Variants in ROBO2 observed in about 807,000 individuals in gnomAD.
ROBO2 encodes the protein roundabout homolog 2.
A neutral mutation model predicts 160.8 loss-of-function variants in ROBO2; 53 were observed. The observed-to-expected ratio is 0.33, with a 90% confidence interval of 0.26 to 0.41. The LOEUF (loss-of-function observed/expected upper bound fraction) is 0.41, where lower values mean the gene tolerates loss of function less well. Among genes scored for constraint, ROBO2 ranks in the 10% least tolerant of loss-of-function variants. The pLI, the probability that ROBO2 is intolerant of heterozygous loss-of-function variation, is 1.00. For missense variants in ROBO2, 1,577 were observed against 1,722.4 expected (o/e 0.92, Z 1.49); for synonymous variants, 664 against 611.7 (o/e 1.09, Z -1.26).
intron 2 of ROBO2, among the ~76,000 whole-genome samples, chr3:76,023,025 C>T (rs900086514): frequency 1.3e-5 from 2 of 151,764 alleles, no homozygotes; most frequent in Non-Finnish European, 3.0e-5. Context: ...CACTAGTTCA[C>T]CTTGCACTTT....
At chr3:76,171,510 A>G (rs2073039357) in intron 2 of ROBO2, among the ~76,000 whole-genome samples, 1 of 152,178 alleles carries the variant, frequency 6.6e-6, no homozygotes, top group Admixed American at 6.5e-5. Context: ...CAGGAACTTT[A>G]TAATGATTAT....
chr3:77,252,001 C>T (rs1371263204), intron 2 of ROBO2, among the ~76,000 whole-genome samples: 1 of 152,124 alleles, frequency 6.6e-6, no homozygotes, highest in Non-Finnish European at 1.5e-5. Context: ...ATCCATTTTG[C>T]TTCCAATTAT....
At chr3:76,279,102 C>T (rs1708093247) in intron 2 of ROBO2, among the ~76,000 whole-genome samples, 1 of 151,156 alleles carries the variant, frequency 6.6e-6, no homozygotes, top group Non-Finnish European at 1.5e-5. Flanking sequence ...TATACACATA[C>T]ATCAGATAAA....
At chr3:77,400,060 C>CA (rs2075654298) in intron 2 of ROBO2, among the ~76,000 whole-genome samples, 1 of 152,078 alleles carries the variant, frequency 6.6e-6, no homozygotes, top group Admixed American at 6.6e-5. Flanking sequence ...GATGAGGAGG[C>CA]AGAGAAAATG....
intron 2 of ROBO2, among the ~76,000 whole-genome samples, chr3:76,952,966 C>A (rs572485391): frequency 6.6e-6 from 1 of 152,240 alleles, no homozygotes; most frequent in African/African-American, 2.4e-5. Flanking sequence ...TGACAGTGTT[C>A]ATGACAAAGC....
intron 2 of ROBO2, among the ~76,000 whole-genome samples, chr3:76,200,879 C>A (rs1308188264): frequency 6.6e-6 from 1 of 151,906 alleles, no homozygotes; most frequent in Admixed American, 6.6e-5. Context: ...AGATTTGGAC[C>A]CCTTACAAAA....
intron 2 of ROBO2, among the ~76,000 whole-genome samples, chr3:76,405,978 ATAT>A (rs762107968): frequency 2.0e-5 from 3 of 151,670 alleles, no homozygotes; most frequent in Non-Finnish European, 4.4e-5. Flanking sequence ...TGTTTTCCTA[ATAT>A]TATAAGCTTT....
intron 2 of ROBO2, among the ~76,000 whole-genome samples, chr3:77,300,715 T>C (rs1045811463): frequency 1.3e-5 from 2 of 152,002 alleles, no homozygotes; most frequent in Admixed American, 6.6e-5. Flanking sequence ...TCTGCATCAG[T>C]TTTCTTATTA....
intron 2 of ROBO2, among the ~76,000 whole-genome samples, chr3:75,994,999 G>C (rs2065684531): frequency 6.6e-6 from 1 of 152,214 alleles, no homozygotes; most frequent in South Asian, 2.1e-4. Flanking sequence ...AGAGAGAGAT[G>C]ATTTCAGATA....
chr3:77,068,381 G>T (rs1481967552), intron 1 of ROBO2, among the ~76,000 whole-genome samples: 1 of 152,112 alleles, frequency 6.6e-6, no homozygotes, highest in African/African-American at 2.4e-5. Flanking sequence ...GGAAGTGATA[G>T]AAGCCATTTT....
intron 2 of ROBO2, among the ~76,000 whole-genome samples, chr3:77,419,890 T>A (rs892555511): frequency 2.0e-5 from 3 of 152,138 alleles, no homozygotes; most frequent in Non-Finnish European, 4.4e-5. Flanking sequence ...CACCATAGTG[T>A]ATTCCTGAAA....
intron 2 of ROBO2, among the ~76,000 whole-genome samples, chr3:76,798,599 A>G (rs891621345): frequency 6.6e-6 from 1 of 152,102 alleles, no homozygotes; most frequent in African/African-American, 2.4e-5. Flanking sequence ...CCCTCAAAAA[A>G]CTGGATATAA....
At chr3:77,322,031 G>C (rs531883482) in intron 2 of ROBO2, among the ~76,000 whole-genome samples, 2 of 152,166 alleles carry the variant, frequency 1.3e-5, no homozygotes, top group Non-Finnish European at 2.9e-5. Flanking sequence ...TAAATGGAGA[G>C]AGCTGAGGGA....
chr3:77,587,487 G>C (rs2153682736), intron 16 of ROBO2, among the ~76,000 whole-genome samples: 1 of 152,166 alleles, frequency 6.6e-6, no homozygotes, highest in Non-Finnish European at 1.5e-5. Context: ...AGCCCTTAAA[G>C]CAGCCCTTAA....
chr3:76,127,601 T>A (rs62268909), intron 2 of ROBO2, among the ~76,000 whole-genome samples: 121,328 of 144,492 alleles, frequency 0.84, 50,712 homozygotes, highest in Non-Finnish European at 0.94. Context: ...TGAAAAAATA[T>A]ATATATATAT....
At chr3:76,223,049 G>A (rs1045681337) in intron 2 of ROBO2, among the ~76,000 whole-genome samples, 8 of 151,430 alleles carry the variant, frequency 5.3e-5, no homozygotes, top group East Asian at 2.0e-4. Context: ...GCCACCGCAC[G>A]CAGCCCTTAT....
intron 7 of ROBO2, 125 bp downstream of exon 8, chr3:77,546,587 C>A: frequency 8.2e-7 from 1 of 1,214,194 alleles, no homozygotes; most frequent in Non-Finnish European, 1.2e-6. Context: ...GAAAAAGAGA[C>A]TGGTGAATGT....
At chr3:76,679,923 G>C (rs890280776) in intron 2 of ROBO2, among the ~76,000 whole-genome samples, 2 of 152,054 alleles carry the variant, frequency 1.3e-5, no homozygotes, top group Non-Finnish European at 2.9e-5. Flanking sequence ...TTTCTTTAGT[G>C]TTATTTTTCC....
intron 2 of ROBO2, among the ~76,000 whole-genome samples, chr3:76,999,919 A>C (rs1039310742): frequency 6.6e-6 from 1 of 152,096 alleles, no homozygotes; most frequent in Non-Finnish European, 1.5e-5. Flanking sequence ...ATAAATTTTC[A>C]TTGCTTTTGT....
Sources: gnomAD v4.1 joint callset for allele counts (sites outside exome capture counted in the v4.1 genomes callset) on GRCh38, gnomAD v4.1.1 for gene constraint, MANE v1.5 for transcripts, NCBI Gene and HGNC (gene_info 2026-07-23, HGNC 2026-07-21) for gene names.